Variants in SEPTIN9 observed in about 807,000 individuals in gnomAD.
SEPTIN9 encodes septin-9.
SEPTIN9 carries 13 observed loss-of-function variants against 56.6 expected under a neutral mutation model. The ratio of observed to expected loss-of-function variants is 0.23; its 90% CI spans 0.15 to 0.37. The LOEUF is 0.37. Among genes scored for constraint, SEPTIN9 ranks in the 10% least tolerant of loss-of-function variants. The pLI is 1.00. For missense variants in SEPTIN9, 650 were observed against 823.1 expected (o/e 0.79, Z 2.57); for synonymous variants, 332 against 334.1 (o/e 0.99, Z 0.07).
At chr17:77,462,848 G>A (rs1039743659) in intron 3 of SEPTIN9, among the ~76,000 whole-genome samples, 2 of 151,962 alleles carry the variant, frequency 1.3e-5, no homozygotes, top group African/African-American at 2.4e-5. Flanking sequence ...TACCATGTTG[G>A]CCAGGCTGTT....
chr17:77,305,998 G>GGGTT (rs1422881879), intron 1 of SEPTIN9, among the ~76,000 whole-genome samples: 1 of 143,854 alleles, frequency 7.0e-6, no homozygotes, highest in East Asian at 2.1e-4. Context: ...ATGGATTGGT[G>GGGTT]GGTGGGTGGG....
In SEPTIN9 at chr17:77,402,672, T is replaced by G; in HGVS notation, c.690T>G (p.Pro230=). The part of the protein sequence containing the change: ...QSRLEPKPQP[P]VAEATPRSQE... ...GGCTGGAGCCCAAGCCCCAGCCCCCTGTGGCTGAGGCTACACCCCGGAGCC... is the reference window on the plus strand; with the variant it reads ...GGCTGGAGCCCAAGCCCCAGCCCCCGGTGGCTGAGGCTACACCCCGGAGCC... Residue 230 remains proline, a synonymous_variant, in exon 3 of 12, where the codon CCT becomes CCG. Transcript: ENST00000427177. This position sits in a 1 kb window ranked among gnomAD's most constrained non-coding sequence, Gnocchi z 6.6. 6.2e-7 allele frequency: 1 copy of G among 1,606,588 alleles called. No individual in the cohort carries two copies. The highest frequency in any genetic ancestry group is 8.5e-7 in the Non-Finnish European group (1 of 1,176,126).
chr17:77,484,569 T>G (rs2039607455), intron 4 of SEPTIN9, among the ~76,000 whole-genome samples: 3 of 40,568 alleles, frequency 7.4e-5, no homozygotes, highest in Non-Finnish European at 1.5e-4. Flanking sequence ...GTGATTGTGG[T>G]GATGGTGGTT....
chr17:77,490,138 G>GCTTCTCCCCA (rs1568118721), intron 7 of SEPTIN9, among the ~76,000 whole-genome samples: 1 of 152,206 alleles, frequency 6.6e-6, no homozygotes, highest in African/African-American at 2.4e-5. Flanking sequence ...GCCCGGAGCG[G>GCTTCTCCCCA]GCTTCTCCCC....
Position 77,356,348 on chromosome 17 carries a change from A to G in SEPTIN9, c.77-45711A>G, listed in dbSNP as rs550453051. On this transcript the variant is annotated intron_variant, in intron 2 of 11. Transcript: ENST00000427177. ...CGGGCTGAGCTCCTGTGGCTGTGGA[A>G]CCTTGGTGGTTTATTGTGGTGGCTG... 3.2e-3 allele frequency among the ~76,000 whole-genome samples: 479 copies of G among 152,052 alleles called. 1 individual carries two copies. Among genetic ancestry groups the G allele is most frequent in the African/African-American group, 0.011 (438 of 41,490 alleles).
rs1432702979 is a variant in SEPTIN9 at position 77,498,982 on chromosome 17, C to T, written c.*324C>T. 3 of 544,776 alleles carry T rather than the reference C, an allele frequency of 5.5e-6. No individual in the cohort carries two copies. Among genetic ancestry groups the T allele is most frequent in the Non-Finnish European group, 1.1e-5 (3 of 282,590 alleles). 33.7% of individuals were successfully genotyped at this position (544,776 alleles called of 1,614,324 possible). Reference sequence around the variant, plus strand: ...CAGCTTCGGTGTGCAGATCATCCGTCTGTGTGGGGTTCTCAGTGCCGGAGG... The same window carrying T: ...CAGCTTCGGTGTGCAGATCATCCGTTTGTGTGGGGTTCTCAGTGCCGGAGG... On this transcript the variant is annotated 3_prime_UTR_variant, in exon 12 of 12. Coordinates refer to ENST00000427177, the MANE Select transcript of SEPTIN9 (RefSeq NM_001113491.2).
intron 2 of SEPTIN9, chr17:77,373,604 CG>C: frequency 1.3e-6 from 2 of 1,530,168 alleles, no homozygotes; most frequent in Non-Finnish European, 1.8e-6. Flanking sequence ...GAGGACCCTG[CG>C]GGTGGGCCTG....
At chr17:77,438,275 A>G (rs2037426137) in intron 3 of SEPTIN9, among the ~76,000 whole-genome samples, 1 of 152,146 alleles carries the variant, frequency 6.6e-6, no homozygotes, top group Non-Finnish European at 1.5e-5. Flanking sequence ...TTTTACAGAT[A>G]ATGTGCTCCC....
chr17:77,364,734 G>A (rs1039484461), intron 2 of SEPTIN9, among the ~76,000 whole-genome samples: 4 of 152,176 alleles, frequency 2.6e-5, no homozygotes, highest in Admixed American at 6.5e-5. Context: ...GCATCTCCCC[G>A]CTCCCTCATA....
intron 3 of SEPTIN9, among the ~76,000 whole-genome samples, chr17:77,442,887 A>T (rs536947522): frequency 1.7e-4 from 26 of 152,060 alleles, no homozygotes; most frequent in Admixed American, 7.9e-4. Context: ...AAACAAATAA[A>T]AAAAAAAAAG....
At chr17:77,457,771 G>A (rs1025734165) in intron 3 of SEPTIN9, among the ~76,000 whole-genome samples, 7 of 152,254 alleles carry the variant, frequency 4.6e-5, no homozygotes, top group Admixed American at 1.3e-4. Flanking sequence ...GTTTACTCTG[G>A]ACCGGGCACC....
intron 2 of SEPTIN9, among the ~76,000 whole-genome samples, chr17:77,357,200 G>T (rs982941823): frequency 2.6e-5 from 4 of 152,186 alleles, no homozygotes; most frequent in Non-Finnish European, 5.9e-5. Flanking sequence ...GAAGCAAGGG[G>T]GCTTGAAGAC....
chr17:77,499,075 C>T lies in SEPTIN9; in HGVS notation c.*417C>T, dbSNP rs758432689. On this transcript the variant is annotated 3_prime_UTR_variant, in exon 12 of 12. Transcript: ENST00000427177. ...GTGGGCTGCACGCTCCCCTCCATCC[C>T]CATCGGCCCTGTCCCCTGGAGTGTG... 327 of 536,668 alleles carry T rather than the reference C, an allele frequency of 6.1e-4. No homozygotes were observed. The highest frequency in any genetic ancestry group is 6.2e-4 in the Non-Finnish European group (172 of 276,706). The allele number at this position is 536,668 out of a possible 1,614,324, so 33.2% of individuals were successfully genotyped here.
intron 8 of SEPTIN9, among the ~76,000 whole-genome samples, chr17:77,491,466 G>A (rs2040024856): frequency 6.6e-6 from 1 of 151,570 alleles, no homozygotes; most frequent in Non-Finnish European, 1.5e-5. Context: ...CCAAAGTGCT[G>A]GGGTTACAGG....
chr17:77,413,015 T>C (rs1422502169), intron 3 of SEPTIN9, among the ~76,000 whole-genome samples: 1 of 152,070 alleles, frequency 6.6e-6, no homozygotes, highest in African/African-American at 2.4e-5. Context: ...GTATTTTGGT[T>C]TCAGCAGCGA....
At chr17:77,412,805 G>A (rs566569) in intron 3 of SEPTIN9, among the ~76,000 whole-genome samples, 137,828 of 152,182 alleles carry the variant, frequency 0.91, 62,631 homozygotes, top group East Asian at 1. Context: ...TTTTGATTTT[G>A]TTTCTGGGAT....
At chr17:77,397,870 C>T (rs1369559375) in intron 2 of SEPTIN9, among the ~76,000 whole-genome samples, 3 of 152,070 alleles carry the variant, frequency 2.0e-5, no homozygotes, top group Admixed American at 2.0e-4. Flanking sequence ...AGGCTGGTTT[C>T]GAACTCCTGA....
chr17:77,481,764 G>C (rs1465658497), intron 3 of SEPTIN9: 1 of 251,426 alleles, frequency 4.0e-6, no homozygotes, highest in Non-Finnish European at 7.8e-6. Context: ...CAGGAGAGGA[G>C]AGCACCCTCC....
At chr17:77,291,391 T>C (rs1207548398) in intron 1 of SEPTIN9, among the ~76,000 whole-genome samples, 1 of 150,234 alleles carries the variant, frequency 6.7e-6, no homozygotes, top group African/African-American at 2.4e-5. Context: ...CTCATGCCTG[T>C]AATCCTAGCA....
Sources: allele counts gnomAD v4.1 joint callset (sites outside exome capture counted in the v4.1 genomes callset), GRCh38; gene constraint gnomAD v4.1.1; non-coding constraint Gnocchi (gnomAD v3.1); transcripts MANE v1.5; gene names NCBI Gene and HGNC (gene_info 2026-07-23, HGNC 2026-07-21).